DPP6: variants seen among roughly 807,000 people sequenced by gnomAD.
DPP6 encodes the protein A-type potassium channel modulatory protein DPP6.
Under a neutral mutation model 122.6 loss-of-function variants are expected in DPP6, and 69 were observed. The observed-to-expected ratio is 0.56, with a 90% CI of 0.46 to 0.69. The LOEUF (loss-of-function observed/expected upper bound fraction) is 0.69. Among genes scored for constraint, DPP6 ranks in the 30% least tolerant of loss-of-function variants. The pLI is 0.00. For missense variants in DPP6, 928 were observed against 1,116.9 expected (o/e 0.83, Z 2.41); for synonymous variants, 418 against 433.1 (o/e 0.97, Z 0.43).
At chr7:154,300,414 A>G (rs1432207040) in intron 1 of DPP6, among the ~76,000 whole-genome samples, 1 of 152,216 alleles carries the variant, frequency 6.6e-6, no homozygotes, top group Non-Finnish European at 1.5e-5. Flanking sequence ...TGCTCCTTGC[A>G]AGGTACTTGT....
intron 1 of DPP6, among the ~76,000 whole-genome samples, chr7:154,313,715 A>ATATATATATATATATATG (rs1563460487): frequency 2.5e-4 from 9 of 35,802 alleles, no homozygotes; most frequent in Non-Finnish European, 4.3e-4. Flanking sequence ...ATATATATAT[A>ATATATATATATATATATG]CACACACACG....
chr7:153,978,069 A>G (rs1796399789), intron 1 of DPP6, among the ~76,000 whole-genome samples: 1 of 152,228 alleles, frequency 6.6e-6, no homozygotes, highest in African/African-American at 2.4e-5. Context: ...GTATATACCC[A>G]GTAATGGGAT....
chr7:154,295,607 C>T (rs916952786), intron 1 of DPP6, among the ~76,000 whole-genome samples: 6 of 152,064 alleles, frequency 3.9e-5, no homozygotes, highest in African/African-American at 1.4e-4. Flanking sequence ...CAAGAACTGT[C>T]GTACTTTCTT....
the DPP6 span, among the ~76,000 whole-genome samples, chr7:153,753,230 G>C: frequency 6.6e-6 from 1 of 151,438 alleles, no homozygotes; most frequent in Admixed American, 6.6e-5. Flanking sequence ...CCTGCTAGGA[G>C]TTCACTAAGC....
intron 1 of DPP6, among the ~76,000 whole-genome samples, chr7:154,434,843 T>G (rs1324473222): frequency 1.3e-5 from 2 of 152,172 alleles, no homozygotes; most frequent in Non-Finnish European, 2.9e-5. Context: ...ATTTTTATTT[T>G]TATTTTTTGA....
chr7:154,889,632 C>A, intron 25 of DPP6, 102 bp downstream of exon 25: 1 of 1,522,118 alleles, frequency 6.6e-7, no homozygotes, highest in Non-Finnish European at 8.8e-7. Context: ...AGCAGACACG[C>A]CTGTGCTGTG....
intron 1 of DPP6, among the ~76,000 whole-genome samples, chr7:154,196,642 C>T (rs6945869): frequency 0.098 from 14,930 of 152,242 alleles, 1,061 homozygotes; most frequent in African/African-American, 0.2. Context: ...CTGCCTCCTT[C>T]CAAGGACCAC....
the DPP6 span, among the ~76,000 whole-genome samples, chr7:153,781,741 A>G: frequency 6.6e-6 from 1 of 151,880 alleles, no homozygotes; most frequent in Non-Finnish European, 1.5e-5. Context: ...GGTTAGATTA[A>G]CCACTCCTAT....
intron 1 of DPP6, among the ~76,000 whole-genome samples, chr7:153,970,982 A>G (rs978173926): frequency 3.3e-5 from 5 of 152,206 alleles, no homozygotes; most frequent in African/African-American, 1.2e-4. Flanking sequence ...CTTATGTTTC[A>G]ATATAAATTT....
intron 1 of DPP6, among the ~76,000 whole-genome samples, chr7:154,115,684 T>C (rs2150594138): frequency 6.6e-6 from 1 of 152,324 alleles, no homozygotes; most frequent in East Asian, 1.9e-4. Flanking sequence ...AGAGCTCTGC[T>C]CTTAGAGTGT....
intron 1 of DPP6, among the ~76,000 whole-genome samples, chr7:154,264,102 C>T (rs1244962651): frequency 6.6e-6 from 1 of 152,168 alleles, no homozygotes; most frequent in East Asian, 1.9e-4. Context: ...TTCTTTAACA[C>T]AATTAAAGCT....
At position 154,892,416 on chromosome 7, in the gene DPP6, A is replaced by T; in HGVS notation, c.2534A>T (p.Glu845Val). 1 of 1,614,012 alleles carries T rather than the reference A, an allele frequency of 6.2e-7. No homozygotes were observed. The highest frequency in any genetic ancestry group is 8.5e-7 in the Non-Finnish European group (1 of 1,179,898). The change falls in exon 26 of 26, where the codon GAA (glutamate) becomes GTA (valine). Residue 845 changes from glutamate to valine, a missense_variant. By Grantham distance (121) the Glu-to-Val change is moderately radical. Coordinates refer to ENST00000377770, the MANE Select transcript of DPP6 (RefSeq NM_130797.4). ...CGGTCCATCATCAACTTCTTCGTGG[A>T]ATGCTTCAGGATCCAGGACAAACTG... ...LYRSIINFFVECFRIQDKLLT... is the reference protein window; with the variant it reads ...LYRSIINFFVVCFRIQDKLLT...
chr7:154,349,266 C>T (rs1222364427), intron 1 of DPP6, among the ~76,000 whole-genome samples: 1 of 152,220 alleles, frequency 6.6e-6, no homozygotes, highest in African/African-American at 2.4e-5. Flanking sequence ...ACCTCCACTT[C>T]CCAGGTTCAA....
intron 22 of DPP6, among the ~76,000 whole-genome samples, chr7:154,887,285 G>GA (rs1392795003): frequency 1.3e-5 from 2 of 152,154 alleles, no homozygotes; most frequent in African/African-American, 4.8e-5. Context: ...GATGTGCCTG[G>GA]ACTTTTTAAA....
At chr7:154,531,822 G>A (rs530754073) in intron 3 of DPP6, among the ~76,000 whole-genome samples, 1 of 152,014 alleles carries the variant, frequency 6.6e-6, no homozygotes, top group Non-Finnish European at 1.5e-5. Context: ...ATAAGAAGTG[G>A]TACATTATTA....
chr7:154,449,266 G>A (rs150834753), intron 2 of DPP6, among the ~76,000 whole-genome samples: 3,437 of 151,716 alleles, frequency 0.023, 55 homozygotes, highest in Admixed American at 0.041. Flanking sequence ...AATAGGCAAA[G>A]GATTTAAAGA....
chr7:154,242,618 T>C (rs1442408714), intron 1 of DPP6, among the ~76,000 whole-genome samples: 1 of 152,186 alleles, frequency 6.6e-6, no homozygotes, highest in Non-Finnish European at 1.5e-5. Flanking sequence ...GAGGTGAGGC[T>C]CAGTTTGCCC....
chr7:154,420,915 C>G (rs1817418030), intron 1 of DPP6, among the ~76,000 whole-genome samples: 1 of 152,076 alleles, frequency 6.6e-6, no homozygotes, highest in African/African-American at 2.4e-5. Flanking sequence ...GATAACAATG[C>G]TGGCATTTTG....
intron 3 of DPP6, among the ~76,000 whole-genome samples, chr7:154,479,570 A>AAAGAAAG (rs1554563522): frequency 9.8e-6 from 1 of 101,566 alleles, no homozygotes; most frequent in Admixed American, 1.1e-4. Flanking sequence ...AAAAAAAAAA[A>AAAGAAAG]AAAAGAAAAG....
Sources: allele counts gnomAD v4.1 joint callset (sites outside exome capture counted in the v4.1 genomes callset), GRCh38; gene constraint gnomAD v4.1.1; transcripts MANE v1.5; gene names NCBI Gene and HGNC (gene_info 2026-07-23, HGNC 2026-07-21).